The following MME variants were observed in gnomAD, a reference collection of about 807,000 sequenced individuals.
MME encodes the protein membrane metalloendopeptidase, also known as neprilysin.
A neutral mutation model predicts 113.2 loss-of-function variants in MME; 98 were observed. That is an observed-to-expected ratio of 0.87 (90% confidence interval 0.74 to 1.02). MME has a LOEUF of 1.02. MME is among the 50% of genes least tolerant of loss of function. The pLI, the probability that MME is intolerant of heterozygous loss-of-function variation, is 0.00. For synonymous variants in MME, 292 were observed against 300.6 expected (o/e 0.97, Z 0.30); for missense variants, 836 against 896.0 (o/e 0.93, Z 0.86).
chr3:155,025,967 G>A (rs962516357), intron 1 of MME, among the ~76,000 whole-genome samples: 1 of 151,784 alleles, frequency 6.6e-6, no homozygotes, highest in African/African-American at 2.4e-5. Context: ...CAGACTAAAA[G>A]ATATCAGGTA....
Position 155,160,406 on chromosome 3 carries a change from G to T in MME, c.1618G>T (p.Ala540Ser), listed in dbSNP as rs1722632150. Residue 540 changes from alanine to serine, a missense_variant, in exon 17 of 23, where the codon GCT becomes TCT. Transcript: ENST00000360490. ...VDKDEWISGAAVVNAFYSSGR... is the reference protein window; with the variant it reads ...VDKDEWISGASVVNAFYSSGR... The stretch of plus-strand genomic sequence containing the variant: ...TTTCTACAGGTGGATAAGTGGAGCA[G>T]CTGTAGTCAATGCATTTTACTCTTC... 2.5e-6 allele frequency: 4 copies of T among 1,607,662 alleles called. No homozygotes were observed. The highest frequency in any genetic ancestry group is 3.4e-6 in the Non-Finnish European group (4 of 1,174,658).
Position 155,141,992 on chromosome 3 carries a change from C to T in MME, c.959C>T (p.Pro320Leu). 1.2e-6 allele frequency: 2 copies of T among 1,613,456 alleles called. No individual in the cohort carries two copies. Among genetic ancestry groups the T allele is most frequent in the South Asian group, 2.2e-5 (2 of 91,054 alleles). Residue 320 changes from proline to leucine, a missense_variant and splice_region_variant, in exon 11 of 23, where the codon CCA (proline) becomes CTA (leucine). Transcript: ENST00000360490. ...TGTTTCATGCCTGCTTTTTTCCAGCCATTCAGCTGGTTGAATTTCACAAAT... is the reference window on the plus strand; with the variant it reads ...TGTTTCATGCCTGCTTTTTTCCAGCTATTCAGCTGGTTGAATTTCACAAAT... ...NNFSLEINGK[P>L]FSWLNFTNEI...
upstream of MME, chr3:155,079,683 A>C (rs1714942397): frequency 6.6e-6 from 1 of 151,124 alleles, no homozygotes; most frequent in South Asian, 2.1e-4. Flanking sequence ...GAGATGTGCA[A>C]GTGGCGAAGC....
rs201612792 is a variant in MME at position 155,148,658 on chromosome 3, G to A, written c.1601+5G>A. On this transcript the variant is annotated splice_donor_5th_base_variant and intron_variant, in intron 16 of 22. Coordinates refer to ENST00000360490, the MANE Select transcript of MME (RefSeq NM_007289.4). ...AGAAAAGGTGGACAAAGATGAGTGC[G>A]TATATTCTCATTTCTAATGTGATCA... The A allele has an allele frequency of 3.8e-6, 6 of 1,594,054 alleles. No individual in the cohort carries two copies. Among genetic ancestry groups the A allele is most frequent in the African/African-American group, 2.7e-5 (2 of 74,448 alleles).
intron 16 of MME, among the ~76,000 whole-genome samples, chr3:155,152,525 T>C (rs1209841494): frequency 6.6e-6 from 1 of 152,082 alleles, no homozygotes; most frequent in Admixed American, 6.6e-5. Flanking sequence ...ATAATAAAAC[T>C]AACTCAGCTG....
Position 155,182,639 on chromosome 3 carries a change from T to C in MME, c.*2180T>C, listed in dbSNP as rs1713206862. 6.6e-6 allele frequency: 1 copy of C among 152,222 alleles called. No homozygotes were observed. Among genetic ancestry groups the C allele is most frequent in the African/African-American group, 2.4e-5 (1 of 41,468 alleles). The allele number at this position is 152,222 out of a possible 1,614,324, so 9.4% of individuals were successfully genotyped here. ...TCTCTAACTTATTTTATTTCCATCA[T>C]GTCAGAGCAGGTGAAGAGCCAGAAG... On this transcript the variant is annotated 3_prime_UTR_variant, in exon 23 of 23. Transcript: ENST00000360490.
Position 155,147,236 on chromosome 3 carries a change from TAAA to T in MME, c.1497+14_1497+16del. 1 of 1,501,352 alleles carries T rather than the reference TAAA, an allele frequency of 6.7e-7. No individual in the cohort carries two copies. The allele number at this position is 1,501,352 out of a possible 1,614,324, so 93.0% of individuals were successfully genotyped here. A position where few individuals can be genotyped will look rare whatever the true frequency, so the allele number is the denominator to read the frequency against. The stretch of plus-strand genomic sequence containing the variant: ...ATGAGTACCTCGAGGTAAGTCTCTA[TAAA>T]ATAGACTCTGGACTACTGATACTTA... On this transcript the variant is annotated intron_variant, in intron 15 of 22. Coordinates refer to ENST00000360490, the MANE Select transcript of MME (RefSeq NM_007289.4).
chr3:155,056,932 T>A (rs899852047), intron 1 of MME, among the ~76,000 whole-genome samples: 4 of 152,184 alleles, frequency 2.6e-5, no homozygotes, highest in Non-Finnish European at 5.9e-5. Context: ...TTACACCTTA[T>A]ACAAAAATTA....
chr3:155,168,826 T>C (rs750270807), intron 20 of MME, 29 bp downstream of exon 20: 21 of 1,568,868 alleles, frequency 1.3e-5, no homozygotes, highest in Non-Finnish European at 1.8e-5. Flanking sequence ...CTTTCCATTT[T>C]AGTGATTTAG....
rs144295472 is a variant in MME at position 155,069,276 on chromosome 3, G to A, written c.-10-14882G>A. Among the ~76,000 whole-genome samples the A allele has an allele frequency of 2.0e-3, 300 of 152,336 alleles. 1 individual carries two copies. Among genetic ancestry groups the A allele is most frequent in the African/African-American group, 6.7e-3 (280 of 41,580 alleles). On this transcript the variant is annotated intron_variant, in intron 1 of 22. Coordinates refer to the MME transcript ENST00000492661. The stretch of plus-strand genomic sequence containing the variant: ...TAGTAGGCAAATGGAGGACAAAGAG[G>A]AGGGAGAGACCAGTACAATGTTGTA...
chr3:155,142,311 C>T lies in MME; in HGVS notation c.1169C>T (p.Ser390Phe). 1 of 1,613,102 alleles carries T rather than the reference C, an allele frequency of 6.2e-7. No individual in the cohort carries two copies. Among genetic ancestry groups the T allele is most frequent in the Non-Finnish European group, 8.5e-7 (1 of 1,179,328 alleles). The change falls in exon 12 of 23, where the codon TCC (serine) becomes TTC (phenylalanine). Residue 390 changes from serine (S) to phenylalanine (F), a missense_variant. Physicochemically the swap from Ser to Phe is radical, Grantham distance 155. Coordinates refer to ENST00000360490, the MANE Select transcript of MME (RefSeq NM_007289.4). Reference protein sequence around the residue: ...VSSLSRTYKESRNAFRKALYG... With the variant: ...VSSLSRTYKEFRNAFRKALYG... ...AGCCTCAGCCGAACCTACAAGGAGT[C>T]CAGAAATGCTTTCCGCAAGGTGAAG...
intron 22 of MME, among the ~76,000 whole-genome samples, chr3:155,176,261 T>C (rs142983780): frequency 6.6e-6 from 1 of 152,316 alleles, no homozygotes; most frequent in Admixed American, 6.5e-5. Flanking sequence ...ATCTCTTAGA[T>C]GTTTTTAATG....
intron 18 of MME, among the ~76,000 whole-genome samples, chr3:155,167,419 A>T (rs1404717400): frequency 6.6e-6 from 1 of 151,340 alleles, no homozygotes; most frequent in Non-Finnish European, 1.5e-5. Context: ...AGAGCTCAAA[A>T]GACTCTTAAG....
chr3:155,054,173 G>A (rs552811529), intron 1 of MME, among the ~76,000 whole-genome samples: 13 of 152,194 alleles, frequency 8.5e-5, no homozygotes, highest in African/African-American at 2.2e-4. Context: ...TATTTCTTTC[G>A]TATTATTTTC....
At chr3:155,159,558 C>A (rs1722560998) in intron 16 of MME, among the ~76,000 whole-genome samples, 1 of 152,002 alleles carries the variant, frequency 6.6e-6, no homozygotes, top group Non-Finnish European at 1.5e-5. Flanking sequence ...AACATCTGAG[C>A]AGAGAGACAT....
At chr3:155,150,688 A>G (rs917249991) in intron 16 of MME, among the ~76,000 whole-genome samples, 1 of 152,188 alleles carries the variant, frequency 6.6e-6, no homozygotes, top group African/African-American at 2.4e-5. Flanking sequence ...AGATACTGGT[A>G]TTCTTTTTAA....
intron 4 of MME, among the ~76,000 whole-genome samples, chr3:155,115,814 C>T (rs1559927322): frequency 6.6e-6 from 1 of 152,120 alleles, no homozygotes; most frequent in East Asian, 1.9e-4. Flanking sequence ...TACCCAAACC[C>T]TGTGTTAAAG....
intron 2 of MME, 132 bp from the exon 3 acceptor site, chr3:155,084,927 A>G (rs1715531433): frequency 5.0e-6 from 3 of 597,130 alleles, no homozygotes; most frequent in Non-Finnish European, 9.0e-6. Flanking sequence ...ACAATGATAT[A>G]TAATGTTCAG....
chr3:155,143,357 G>T (rs990944973), intron 12 of MME, 86 bp from the exon 13 acceptor site: 50 of 1,483,298 alleles, frequency 3.4e-5, no homozygotes, highest in Non-Finnish European at 4.7e-5. Flanking sequence ...CAAGAACTTA[G>T]ATGAGACATT....
Sources: gnomAD v4.1 joint callset for allele counts (sites outside exome capture counted in the v4.1 genomes callset) on GRCh38, gnomAD v4.1.1 for gene constraint, MANE v1.5 for transcripts, NCBI Gene and HGNC (gene_info 2026-07-23, HGNC 2026-07-21) for gene names.